Variants in AFAP1 observed in about 807,000 individuals in gnomAD.
AFAP1 encodes actin filament-associated protein 1.
A neutral mutation model predicts 93.9 loss-of-function variants in AFAP1; 75 were observed. The observed-to-expected ratio is 0.80, with a 90% confidence interval of 0.66 to 0.97. AFAP1 has a LOEUF of 0.97. Among genes scored for constraint, AFAP1 ranks in the 50% least tolerant of loss-of-function variants. AFAP1 has a pLI of 0.00. For missense variants in AFAP1, 1,201 were observed against 1,050.8 expected (o/e 1.14, Z -1.98); for synonymous variants, 517 against 430.7 (o/e 1.20, Z -2.48).
chr4:7,830,422 G>A (rs1166072572), intron 6 of AFAP1, among the ~76,000 whole-genome samples: 1 of 152,134 alleles, frequency 6.6e-6, no homozygotes, highest in African/African-American at 2.4e-5. Context: ...CGGCACCTCG[G>A]CCTGCAGTAG....
intron 1 of AFAP1, among the ~76,000 whole-genome samples, chr4:7,908,147 C>G (rs1286237901): frequency 1.3e-5 from 2 of 150,210 alleles, no homozygotes; most frequent in Non-Finnish European, 3.0e-5. Flanking sequence ...GGGGGGAGCA[C>G]GTTGCAGTAA....
intron 1 of AFAP1, among the ~76,000 whole-genome samples, chr4:7,908,066 G>A (rs6814887): frequency 0.31 from 46,677 of 152,002 alleles, 8,923 homozygotes; most frequent in Non-Finnish European, 0.44. Flanking sequence ...GCAAAAATTA[G>A]CCGGGCGTGG....
intron 17 of AFAP1, among the ~76,000 whole-genome samples, chr4:7,767,784 T>C (rs1714816992): frequency 6.6e-6 from 1 of 152,138 alleles, no homozygotes; most frequent in Non-Finnish European, 1.5e-5. Flanking sequence ...CTCCAAAAGC[T>C]GCAAAGAATG....
At position 7,939,616 on chromosome 4, in the gene AFAP1, G is replaced by GC. The variant is rs773652700; in HGVS notation, c.-3+39dup. 49 of 412,402 alleles carry GC rather than the reference G, an allele frequency of 1.2e-4. 1 individual carries two copies. The highest frequency in any genetic ancestry group is 7.5e-4 in the South Asian group (45 of 60,158). 25.5% of individuals were successfully genotyped at this position (412,402 alleles called of 1,614,324 possible). ...TTCCACGCCCGGGGCAGAGACCCCC[G>GC]CCGGGTCCGGAGACCCTGCCGCCAG... On this transcript the variant is annotated intron_variant, in intron 1 of 17. Transcript: ENST00000420658. This position sits in a 1 kb window ranked among gnomAD's most constrained non-coding sequence, Gnocchi z 5.6.
intron 12 of AFAP1, 73 bp downstream of exon 12, chr4:7,786,121 A>T (rs1717230215): frequency 1.4e-6 from 2 of 1,384,504 alleles, no homozygotes; most frequent in Non-Finnish European, 2.0e-6. Context: ...AAACCAGGGG[A>T]ACTGAAGCAC....
intron 1 of AFAP1, among the ~76,000 whole-genome samples, chr4:7,889,372 C>A (rs1718309946): frequency 1.3e-5 from 2 of 151,610 alleles, no homozygotes; most frequent in South Asian, 4.2e-4. Flanking sequence ...CATGGTGAAA[C>A]CCCATCTCTA....
intron 13 of AFAP1, among the ~76,000 whole-genome samples, chr4:7,780,788 T>C (rs10018256): frequency 0.85 from 128,689 of 152,090 alleles, 54,806 homozygotes; most frequent in African/African-American, 0.94. Context: ...TTATTATCGT[T>C]ATCTAGTTTT....
intron 1 of AFAP1, among the ~76,000 whole-genome samples, chr4:7,884,834 T>C (rs545853542): frequency 1.1e-4 from 16 of 152,304 alleles, no homozygotes; most frequent in African/African-American, 3.6e-4. Context: ...TCAATGTGCC[T>C]ACAAAAAGTA....
chr4:7,779,007 C>A, intron 13 of AFAP1, 131 bp from the exon 14 acceptor site: 2 of 701,976 alleles, frequency 2.8e-6, no homozygotes, highest in Non-Finnish European at 4.7e-6. Context: ...GAGGAAAAAT[C>A]GAAAGTGAAA....
At chr4:7,860,038 G>T (rs1715494745) in intron 3 of AFAP1, among the ~76,000 whole-genome samples, 1 of 152,130 alleles carries the variant, frequency 6.6e-6, no homozygotes, top group Non-Finnish European at 1.5e-5. Context: ...AACTGCTAGG[G>T]AGGCTGAGGT....
chr4:7,811,545 C>T (rs1025594828), intron 8 of AFAP1, among the ~76,000 whole-genome samples: 10 of 152,124 alleles, frequency 6.6e-5, no homozygotes, highest in Non-Finnish European at 8.8e-5. Context: ...CAGCCAAACA[C>T]GCTAGGGCGG....
chr4:7,931,532 C>G (rs1248611948), intron 1 of AFAP1, among the ~76,000 whole-genome samples: 1 of 151,032 alleles, frequency 6.6e-6, no homozygotes, highest in South Asian at 2.1e-4. Context: ...CAGGTGTGCA[C>G]CACCACGCCC....
intron 6 of AFAP1, among the ~76,000 whole-genome samples, chr4:7,835,082 T>G (rs867611144): frequency 2.4e-3 from 137 of 56,374 alleles, no homozygotes; most frequent in African/African-American, 4.9e-3. Flanking sequence ...GACTGCGGGC[T>G]GCCTTAAGGT....
At chr4:7,870,176 C>T (rs1056704261) in intron 2 of AFAP1, among the ~76,000 whole-genome samples, 1 of 152,078 alleles carries the variant, frequency 6.6e-6, no homozygotes, top group Admixed American at 6.6e-5. Flanking sequence ...TTAAGTAACC[C>T]GTGAAAGGTT....
intron 12 of AFAP1, among the ~76,000 whole-genome samples, chr4:7,783,298 C>T (rs1287947323): frequency 2.0e-5 from 3 of 152,142 alleles, no homozygotes; most frequent in Non-Finnish European, 4.4e-5. Context: ...CACCACCATG[C>T]CCGGCTAATT....
chr4:7,882,006 C>T (rs1456066446), intron 1 of AFAP1, among the ~76,000 whole-genome samples: 4 of 152,094 alleles, frequency 2.6e-5, no homozygotes, highest in African/African-American at 9.7e-5. Context: ...TAACTACAAC[C>T]GTCATTATTA....
chr4:7,773,706 G>GCC (rs1448079492), intron 15 of AFAP1: 1 of 152,538 alleles, frequency 6.6e-6, no homozygotes, highest in Non-Finnish European at 1.5e-5. Context: ...TAAACTCCAT[G>GCC]CCCCGTCCCA....
At chr4:7,795,661 G>A (rs1287806926) in intron 10 of AFAP1, among the ~76,000 whole-genome samples, 1 of 151,902 alleles carries the variant, frequency 6.6e-6, no homozygotes, top group Admixed American at 6.6e-5. Flanking sequence ...TCCTGACCTT[G>A]TGATCTGCCC....
chr4:7,832,854 T>G (rs1711797506), intron 6 of AFAP1, among the ~76,000 whole-genome samples: 2 of 151,978 alleles, frequency 1.3e-5, no homozygotes, highest in African/African-American at 2.4e-5. Context: ...ACCCAAATAC[T>G]TACAGTCAAC....
Sources: allele counts gnomAD v4.1 joint callset (sites outside exome capture counted in the v4.1 genomes callset), GRCh38; gene constraint gnomAD v4.1.1; non-coding constraint Gnocchi (gnomAD v3.1); transcripts MANE v1.5; gene names NCBI Gene and HGNC (gene_info 2026-07-23, HGNC 2026-07-21).